Variants in RPS6KA5 observed in about 807,000 individuals in gnomAD.
RPS6KA5 encodes ribosomal protein S6 kinase alpha-5.
Under a neutral mutation model 85.5 loss-of-function variants are expected in RPS6KA5, and 27 were observed. The ratio of observed to expected loss-of-function variants is 0.32; its 90% CI spans 0.23 to 0.44. RPS6KA5 has a LOEUF of 0.44. Among genes scored for constraint, RPS6KA5 ranks in the 20% least tolerant of loss-of-function variants. The pLI, the probability that RPS6KA5 is intolerant of heterozygous loss-of-function variation, is 1.00. For missense variants in RPS6KA5, 811 were observed against 980.9 expected (o/e 0.83, Z 2.31); for synonymous variants, 334 against 348.2 (o/e 0.96, Z 0.46).
At chr14:90,875,752 G>C (rs996011276) in intron 14 of RPS6KA5, among the ~76,000 whole-genome samples, 31 of 151,932 alleles carry the variant, frequency 2.0e-4, no homozygotes, top group Admixed American at 1.9e-3. Context: ...GTCCTTTGTA[G>C]GGACATGGAT....
At chr14:90,955,474 A>G (rs2038450981) in intron 3 of RPS6KA5, among the ~76,000 whole-genome samples, 2 of 152,126 alleles carry the variant, frequency 1.3e-5, no homozygotes. Flanking sequence ...AGGCTGTCAA[A>G]AAGTATTTTT....
chr14:91,032,283 T>C (rs1408731145), intron 1 of RPS6KA5, among the ~76,000 whole-genome samples: 1 of 152,216 alleles, frequency 6.6e-6, no homozygotes. Context: ...CTAAAACACA[T>C]TTAAGCCTGC....
intron 3 of RPS6KA5, among the ~76,000 whole-genome samples, chr14:90,948,888 A>T (rs2038024376): frequency 6.6e-6 from 1 of 152,222 alleles, no homozygotes; most frequent in Non-Finnish European, 1.5e-5. Flanking sequence ...CAATTTGATA[A>T]AAGAATGAAA....
At chr14:90,889,291 C>T (rs140991459) in intron 14 of RPS6KA5, among the ~76,000 whole-genome samples, 1,727 of 75,896 alleles carry the variant, frequency 0.023, 46 homozygotes, top group African/African-American at 0.082. Context: ...AAGACTTTGT[C>T]TCCAAAAAAA....
chr14:90,947,283 T>C (rs1219954461), intron 4 of RPS6KA5, 152 bp downstream of exon 4: 2 of 469,072 alleles, frequency 4.3e-6, no homozygotes, highest in Non-Finnish European at 3.8e-6. Flanking sequence ...TCAAACGGAA[T>C]TATGAAATTG....
At chr14:91,041,150 A>G (rs890701458) in intron 1 of RPS6KA5, among the ~76,000 whole-genome samples, 7 of 152,146 alleles carry the variant, frequency 4.6e-5, no homozygotes, top group African/African-American at 1.2e-4. Context: ...AACATGGAGT[A>G]AAGTCTCTGA....
intron 1 of RPS6KA5, among the ~76,000 whole-genome samples, chr14:91,048,232 A>C (rs1490269971): frequency 6.6e-6 from 1 of 152,230 alleles, no homozygotes; most frequent in East Asian, 1.9e-4. Flanking sequence ...GGAAAACTTA[A>C]AACATTTTTA....
In RPS6KA5 at chr14:90,920,242, A is replaced by C. The variant is rs1267374524; in HGVS notation, c.770T>G (p.Val257Gly). The change falls in exon 7 of 17, where the codon GTT (valine) becomes GGT (glycine). Residue 257 changes from valine to glycine, a missense_variant. Transcript: ENST00000614987. The stretch of plus-strand genomic sequence containing the variant: ...AGCTTGGGAATTTTTTTCTCCATCA[A>C]CAGTGAAAGGAGATGCTCCAGTTAG... Reference protein sequence around the residue: ...ELLTGASPFTVDGEKNSQAEI... With the variant: ...ELLTGASPFTGDGEKNSQAEI... 6.2e-7 allele frequency: 1 copy of C among 1,612,404 alleles called. No individual in the cohort carries two copies. Among genetic ancestry groups the C allele is most frequent in the East Asian group, 2.2e-5 (1 of 44,784 alleles).
At chr14:90,897,765 A>G (rs776044134) in intron 12 of RPS6KA5, among the ~76,000 whole-genome samples, 5 of 152,330 alleles carry the variant, frequency 3.3e-5, no homozygotes, top group African/African-American at 1.2e-4. Context: ...GAGATCAAGT[A>G]TCTTGTCTGG....
chr14:90,853,936 A>G lies in RPS6KA5; in HGVS notation c.*18138T>C, dbSNP rs2032145232. ...TACCAGAGAAAACTCTGTATATACC[A>G]GTACAGGTGGGGGATTACTGGCAGG... On this transcript the variant is annotated 3_prime_UTR_variant, in exon 17 of 17. Coordinates refer to ENST00000614987, the MANE Select transcript of RPS6KA5 (RefSeq NM_004755.4). 1 of 152,162 alleles carries G rather than the reference A, an allele frequency of 6.6e-6. No homozygotes were observed. Among genetic ancestry groups the G allele is most frequent in the African/African-American group, 2.4e-5 (1 of 41,436 alleles). The allele number at this position is 152,162 out of a possible 1,614,324, so 9.4% of individuals were successfully genotyped here.
chr14:91,021,293 A>G (rs1456775276), intron 1 of RPS6KA5, among the ~76,000 whole-genome samples: 7 of 151,960 alleles, frequency 4.6e-5, no homozygotes, highest in Non-Finnish European at 1.0e-4. Flanking sequence ...TCCTGCTTAG[A>G]TATCTACCTA....
rs758914341 is a variant in RPS6KA5 at position 90,947,988 on chromosome 14, T to C, written c.395-438A>G. On this transcript the variant is annotated intron_variant, in intron 3 of 16. Coordinates refer to ENST00000614987, the MANE Select transcript of RPS6KA5 (RefSeq NM_004755.4). ...GCCAGTCACCTGTAAACAGATACCC[T>C]ATTTTCCAGAATTGTCTACATGCAC... is the stretch of plus-strand genomic sequence containing the variant. Among the ~76,000 whole-genome samples the C allele has an allele frequency of 3.9e-5, 6 of 152,366 alleles. No homozygotes were observed. The South Asian group carries it at 1.2e-3, about 32-fold the overall frequency.
chr14:90,950,059 T>TC (rs996623697), intron 3 of RPS6KA5, among the ~76,000 whole-genome samples: 12 of 152,226 alleles, frequency 7.9e-5, no homozygotes, highest in African/African-American at 2.9e-4. Context: ...CTGCCTTGAA[T>TC]CCACGAACAT....
At chr14:90,952,059 T>C (rs977343796) in intron 3 of RPS6KA5, among the ~76,000 whole-genome samples, 2 of 152,188 alleles carry the variant, frequency 1.3e-5, no homozygotes, top group African/African-American at 4.8e-5. Context: ...TTCTTTGGCA[T>C]CCCCAGGCAC....
intron 3 of RPS6KA5, among the ~76,000 whole-genome samples, chr14:90,950,613 A>G (rs995400862): frequency 1.3e-5 from 2 of 152,172 alleles, no homozygotes; most frequent in Non-Finnish European, 2.9e-5. Flanking sequence ...AATTTTGGCA[A>G]ATACTGTTTT....
intron 12 of RPS6KA5, among the ~76,000 whole-genome samples, chr14:90,899,075 C>T (rs1286728777): frequency 1.3e-5 from 2 of 151,990 alleles, no homozygotes; most frequent in Non-Finnish European, 2.9e-5. Flanking sequence ...CCTGGCCCTC[C>T]GTCTTCCTGT....
intron 1 of RPS6KA5, among the ~76,000 whole-genome samples, chr14:91,038,122 G>T (rs780420732): frequency 6.6e-6 from 1 of 152,138 alleles, no homozygotes; most frequent in African/African-American, 2.4e-5. Flanking sequence ...CTCTAACAAG[G>T]TGTTGATCCT....
intron 1 of RPS6KA5, among the ~76,000 whole-genome samples, chr14:91,047,645 A>C (rs556115181): frequency 6.6e-6 from 1 of 152,344 alleles, no homozygotes; most frequent in Admixed American, 6.5e-5. Context: ...AGTTTCCTGT[A>C]ACTGCGGTAG....
At chr14:91,055,184 A>T (rs1468689558) in intron 1 of RPS6KA5, among the ~76,000 whole-genome samples, 1 of 152,232 alleles carries the variant, frequency 6.6e-6, no homozygotes, top group Non-Finnish European at 1.5e-5. Flanking sequence ...AAAATGATAC[A>T]GCCACTCTGG....
Sources: allele counts gnomAD v4.1 joint callset (sites outside exome capture counted in the v4.1 genomes callset), GRCh38; gene constraint gnomAD v4.1.1; transcripts MANE v1.5; gene names NCBI Gene and HGNC (gene_info 2026-07-23, HGNC 2026-07-21).